The following BMERB1 variants were observed in gnomAD, a reference collection of about 807,000 sequenced individuals.
BMERB1 encodes bMERB domain-containing protein 1.
BMERB1 carries 12 observed loss-of-function variants against 23.6 expected under a neutral mutation model. That is an observed-to-expected ratio of 0.51 (90% confidence interval 0.33 to 0.82). BMERB1 has a LOEUF of 0.82. Ranked by LOEUF, BMERB1 falls within the 40% of genes least tolerant of loss-of-function variation. The pLI is 0.03. For missense variants in BMERB1, 247 were observed against 255.4 expected, an observed-to-expected ratio of 0.97 and a Z score of 0.22; for synonymous variants, 122 against 96.6, an observed-to-expected ratio of 1.26 and a Z score of -1.54.
chr16:15,481,820 G>T (rs1022806731), intron 1 of BMERB1, among the ~76,000 whole-genome samples: 3 of 151,132 alleles, frequency 2.0e-5, no homozygotes, highest in Non-Finnish European at 4.4e-5. Flanking sequence ...CACCTCCCAG[G>T]TTCAAGCAAC....
chr16:15,444,506 T>A (rs759156578), intron 1 of BMERB1, among the ~76,000 whole-genome samples: 3 of 152,134 alleles, frequency 2.0e-5, no homozygotes, highest in Non-Finnish European at 2.9e-5. Flanking sequence ...GTATAGTGAT[T>A]TCTTTAATCC....
intron 1 of BMERB1, among the ~76,000 whole-genome samples, chr16:15,441,428 G>A (rs2050938305): frequency 6.6e-6 from 1 of 151,854 alleles, no homozygotes; most frequent in South Asian, 2.1e-4. Context: ...CTCTTGCCCA[G>A]GCTGGAGTGC....
chr16:15,549,288 C>CCA (rs2030011737), intron 2 of BMERB1, among the ~76,000 whole-genome samples: 1 of 144,816 alleles, frequency 6.9e-6, no homozygotes, highest in African/African-American at 2.5e-5. Context: ...GCAGTAAGCC[C>CCA]AGATCAAGAT....
chr16:15,474,395 C>T (rs1207700510), intron 1 of BMERB1, among the ~76,000 whole-genome samples: 3 of 152,138 alleles, frequency 2.0e-5, no homozygotes, highest in Non-Finnish European at 4.4e-5. Context: ...GACAGGGTCT[C>T]ACTCTGTTGC....
intron 1 of BMERB1, among the ~76,000 whole-genome samples, chr16:15,438,598 T>A (rs2050909196): frequency 6.6e-6 from 1 of 151,944 alleles, no homozygotes; most frequent in African/African-American, 2.4e-5. Context: ...TAGCTGGGAT[T>A]ACAGGCATGC....
chr16:15,570,016 A>C (rs1596400741), intron 3 of BMERB1, among the ~76,000 whole-genome samples: 1 of 152,332 alleles, frequency 6.6e-6, no homozygotes, highest in Non-Finnish European at 1.5e-5. Flanking sequence ...GATTAAGGGC[A>C]GCTTGGAGGT....
intron 5 of BMERB1, among the ~76,000 whole-genome samples, chr16:15,584,490 G>A (rs1596405858): frequency 6.7e-6 from 1 of 148,578 alleles, no homozygotes; most frequent in Non-Finnish European, 1.5e-5. Context: ...CTGGGGAGGC[G>A]GAGCTTGCAG....
At chr16:15,537,517 C>T (rs1444789841) in intron 2 of BMERB1, among the ~76,000 whole-genome samples, 1 of 151,870 alleles carries the variant, frequency 6.6e-6, no homozygotes, top group Non-Finnish European at 1.5e-5. Flanking sequence ...CCATGCCTGG[C>T]TAATTTTTGT....
rs879459812 is a variant in BMERB1 at position 15,586,523 on chromosome 16, ACTATAAAAT to A, written c.503-193_503-185del. Among the ~76,000 whole-genome samples the A allele has an allele frequency of 3.6e-3, 544 of 152,258 alleles. 2 individuals are homozygous for A. Among genetic ancestry groups the A allele is most frequent in the Admixed American group, 0.01 (157 of 15,302 alleles). ...GCATTGAGGACCATATAAAATGAGG[ACTATAAAAT>A]GAGGACCAGCTGAGGATCATATGAA... On this transcript the variant is annotated intron_variant, in intron 5 of 5. Transcript: ENST00000300006.
intron 3 of BMERB1, among the ~76,000 whole-genome samples, 191 bp downstream of exon 3, chr16:15,568,247 T>G (rs1180449924): frequency 1.3e-5 from 2 of 152,244 alleles, no homozygotes; most frequent in Non-Finnish European, 2.9e-5. Context: ...GTCACCTTCT[T>G]GTCCTTGGAC....
chr16:15,519,137 A>G (rs2051818418), intron 2 of BMERB1, among the ~76,000 whole-genome samples: 1 of 151,406 alleles, frequency 6.6e-6, no homozygotes, highest in Non-Finnish European at 1.5e-5. Flanking sequence ...AGAGTAGGAG[A>G]GAAAAAAATT....
chr16:15,506,302 A>T (rs144481105), intron 1 of BMERB1, among the ~76,000 whole-genome samples: 1 of 151,768 alleles, frequency 6.6e-6, no homozygotes, highest in African/African-American at 2.4e-5. Context: ...CAGCCTCCCA[A>T]GTAGCTGGGA....
At chr16:15,571,851 C>T (rs893493385) in intron 3 of BMERB1, among the ~76,000 whole-genome samples, 1 of 152,114 alleles carries the variant, frequency 6.6e-6, no homozygotes, top group Non-Finnish European at 1.5e-5. Flanking sequence ...CTCTACTCCG[C>T]GTTTCCTTTA....
intron 2 of BMERB1, among the ~76,000 whole-genome samples, chr16:15,542,165 G>C (rs1231461308): frequency 5.3e-5 from 8 of 150,368 alleles, no homozygotes; most frequent in Non-Finnish European, 1.0e-4. Flanking sequence ...CCAGGTTCAA[G>C]CAATTATCCT....
chr16:15,539,378 C>T (rs147871381), intron 2 of BMERB1, among the ~76,000 whole-genome samples: 4 of 152,124 alleles, frequency 2.6e-5, no homozygotes, highest in East Asian at 1.9e-4. Context: ...CTCACTCACC[C>T]GCCACTCACC....
At chr16:15,584,566 A>AG (rs2031095421) in intron 5 of BMERB1, among the ~76,000 whole-genome samples, 2 of 151,776 alleles carry the variant, frequency 1.3e-5, no homozygotes, top group African/African-American at 2.4e-5. Flanking sequence ...TCAAAAAAAA[A>AG]AAAAAGAAAG....
chr16:15,578,373 C>G (rs1189332398), intron 3 of BMERB1, among the ~76,000 whole-genome samples: 1 of 151,990 alleles, frequency 6.6e-6, no homozygotes, highest in East Asian at 1.9e-4. Context: ...TCTCTTTCCT[C>G]TTCTCATAAG....
chr16:15,581,100 G>C, intron 3 of BMERB1, 117 bp from the exon 4 acceptor site: 1 of 671,990 alleles, frequency 1.5e-6, no homozygotes, highest in Non-Finnish European at 2.5e-6. Flanking sequence ...TTTTGGTAGA[G>C]ATGGGGTTGT....
chr16:15,545,721 C>CA (rs2052127368), intron 2 of BMERB1, among the ~76,000 whole-genome samples: 1 of 152,136 alleles, frequency 6.6e-6, no homozygotes, highest in African/African-American at 2.4e-5. Flanking sequence ...GCTCTGTGGT[C>CA]AAAGTCTTGG....
Sources: gnomAD v4.1 joint callset for allele counts (sites outside exome capture counted in the v4.1 genomes callset) on GRCh38, gnomAD v4.1.1 for gene constraint, MANE v1.5 for transcripts, NCBI Gene and HGNC (gene_info 2026-07-23, HGNC 2026-07-21) for gene names.